The following RPIA variants were observed in gnomAD, a reference collection of about 807,000 sequenced individuals.
RPIA encodes the protein ribose 5-phosphate isomerase A.
Under a neutral mutation model 37.8 loss-of-function variants are expected in RPIA, and 29 were observed. The ratio of observed to expected loss-of-function variants is 0.77; its 90% CI spans 0.57 to 1.05. The LOEUF (loss-of-function observed/expected upper bound fraction) is 1.05. Among genes scored for constraint, RPIA ranks in the 50% least tolerant of loss-of-function variants. The pLI is 0.00. For synonymous variants in RPIA, 167 were observed against 157.0 expected, an observed-to-expected ratio of 1.06 and a Z score of -0.48; for missense variants, 385 against 413.6, an observed-to-expected ratio of 0.93 and a Z score of 0.60.
intron 3 of RPIA, among the ~76,000 whole-genome samples, chr2:88,719,270 A>G (rs1010301335): frequency 1.3e-5 from 2 of 152,202 alleles, no homozygotes; most frequent in African/African-American, 2.4e-5. Flanking sequence ...CATAACAATT[A>G]TAATTATTAC....
intron 1 of RPIA, among the ~76,000 whole-genome samples, chr2:88,693,181 A>G (rs1319391533): frequency 1.3e-5 from 2 of 152,268 alleles, no homozygotes; most frequent in African/African-American, 4.8e-5. Context: ...TGTAATCCAC[A>G]TGAGAATACA....
At chr2:88,726,541 A>G (rs967754482) in intron 3 of RPIA, among the ~76,000 whole-genome samples, 5 of 152,128 alleles carry the variant, frequency 3.3e-5, no homozygotes, top group Non-Finnish European at 5.9e-5. Context: ...AATGTGTGTT[A>G]CTATCTTCAG....
intron 3 of RPIA, among the ~76,000 whole-genome samples, chr2:88,700,745 T>C (rs1454769468): frequency 6.6e-6 from 1 of 152,146 alleles, no homozygotes; most frequent in Non-Finnish European, 1.5e-5. Flanking sequence ...AGGAAAGCAG[T>C]GGAGCCAGTT....
chr2:88,706,863 G>T (rs1672904046), intron 3 of RPIA, among the ~76,000 whole-genome samples: 1 of 152,006 alleles, frequency 6.6e-6, no homozygotes, highest in Non-Finnish European at 1.5e-5. Flanking sequence ...GGGAAAAATG[G>T]GTATTACTTA....
intron 3 of RPIA, among the ~76,000 whole-genome samples, chr2:88,714,231 C>T (rs916135068): frequency 3.3e-5 from 5 of 151,542 alleles, no homozygotes; most frequent in Non-Finnish European, 5.9e-5. Context: ...AGTGCAGTGG[C>T]GCGATCTGGG....
At chr2:88,718,908 A>C (rs1462504477) in intron 3 of RPIA, among the ~76,000 whole-genome samples, 1 of 152,208 alleles carries the variant, frequency 6.6e-6, no homozygotes, top group African/African-American at 2.4e-5. Flanking sequence ...TGACTCTGAA[A>C]AATAAAAGAA....
chr2:88,703,941 A>G (rs780010308), intron 3 of RPIA, among the ~76,000 whole-genome samples: 1 of 152,202 alleles, frequency 6.6e-6, no homozygotes, highest in Non-Finnish European at 1.5e-5. Flanking sequence ...GATATCTTAA[A>G]TCATCTCTCT....
chr2:88,699,396 A>C (rs912627541), intron 2 of RPIA, among the ~76,000 whole-genome samples: 2 of 152,070 alleles, frequency 1.3e-5, no homozygotes, highest in African/African-American at 4.8e-5. Context: ...TTTTTTCCTG[A>C]AGTCTTTTTT....
At chr2:88,734,138 A>C (rs922839431) in intron 4 of RPIA, among the ~76,000 whole-genome samples, 5 of 151,874 alleles carry the variant, frequency 3.3e-5, no homozygotes, top group African/African-American at 1.2e-4. Context: ...AGTAGCACAG[A>C]TATTACTGTA....
chr2:88,741,534 T>G (rs1051246909), intron 8 of RPIA, among the ~76,000 whole-genome samples: 4 of 152,260 alleles, frequency 2.6e-5, no homozygotes, highest in African/African-American at 9.6e-5. Context: ...GCTATCAACA[T>G]GTGTGTACAA....
chr2:88,712,551 A>C (rs1001697607), intron 3 of RPIA, among the ~76,000 whole-genome samples: 2 of 152,202 alleles, frequency 1.3e-5, no homozygotes, highest in African/African-American at 4.8e-5. Flanking sequence ...TAATTGTCCC[A>C]GTACAGTTAC....
intron 3 of RPIA, among the ~76,000 whole-genome samples, chr2:88,701,791 G>A (rs1398991950): frequency 1.3e-5 from 2 of 152,208 alleles, no homozygotes; most frequent in Admixed American, 6.5e-5. Context: ...ACAGACAATA[G>A]AGGACCACCC....
chr2:88,723,551 C>G (rs1673160053), intron 3 of RPIA, among the ~76,000 whole-genome samples: 1 of 152,126 alleles, frequency 6.6e-6, no homozygotes, highest in African/African-American at 2.4e-5. Flanking sequence ...TACTCCCAGA[C>G]CTCAGCAAAT....
chr2:88,713,590 A>G (rs1340620336), intron 3 of RPIA, among the ~76,000 whole-genome samples: 1 of 152,086 alleles, frequency 6.6e-6, no homozygotes, highest in African/African-American at 2.4e-5. Context: ...GTATGGATCT[A>G]TTTTCGTCCA....
Position 88,734,560 on chromosome 2 carries a change from T to C in RPIA, c.471T>C (p.Leu157=), listed in dbSNP as rs1673292355. Reference sequence around the variant, plus strand: ...CCTTTCCCCCAATACAGATCGACCTTGCCATCGATGGTGCTGATGAAGTAG... The same window carrying C: ...CCTTTCCCCCAATACAGATCGACCTCGCCATCGATGGTGCTGATGAAGTAG... ...SDLDRHPEID[L]AIDGADEVDA... The change falls in exon 5 of 9, where the codon CTT becomes CTC. Residue 157 remains leucine (L), a synonymous_variant. Coordinates refer to ENST00000283646, the MANE Select transcript of RPIA (RefSeq NM_144563.3). 1 of 1,614,088 alleles carries C rather than the reference T, an allele frequency of 6.2e-7. No individual in the cohort carries two copies. The highest frequency in any genetic ancestry group is 8.5e-7 in the Non-Finnish European group (1 of 1,180,020).
intron 4 of RPIA, among the ~76,000 whole-genome samples, chr2:88,734,173 C>T (rs1444865962): frequency 1.3e-5 from 2 of 151,448 alleles, no homozygotes; most frequent in South Asian, 2.1e-4. Flanking sequence ...GGACAAAACT[C>T]ATTGTAATGT....
chr2:88,727,922 A>G lies in RPIA; in HGVS notation c.403-1356A>G, dbSNP rs144121837. ...TAGCTTTTTATTATGGCAAATTTCAAAGTTCAGAAAGGAGAGAGAACAATA... is the reference window on the plus strand; with the variant it reads ...TAGCTTTTTATTATGGCAAATTTCAGAGTTCAGAAAGGAGAGAGAACAATA... On this transcript the variant is annotated intron_variant, in intron 3 of 8. Coordinates refer to ENST00000283646, the MANE Select transcript of RPIA (RefSeq NM_144563.3). 4.6e-5 allele frequency among the ~76,000 whole-genome samples: 7 copies of G among 152,296 alleles called. No homozygotes were observed. In the East Asian group the frequency reaches 1.4e-3, roughly 29 times the overall value.
In RPIA at chr2:88,721,791, ATATT is replaced by A. The variant is rs371627024; in HGVS notation, c.403-7480_403-7477del. Among the ~76,000 whole-genome samples, 65 of 150,596 alleles carry A rather than the reference ATATT, an allele frequency of 4.3e-4. 1 individual carries two copies. The highest frequency in any genetic ancestry group is 1.5e-3 in the African/African-American group (63 of 41,338). ...ATAGCAAATATATCTTTAAATACATATATTTATTTAAAAACATAATTAAAATCTC... is the reference window on the plus strand; with the variant it reads ...ATAGCAAATATATCTTTAAATACATATATTTAAAAACATAATTAAAATCTC... On this transcript the variant is annotated intron_variant, in intron 3 of 8. Coordinates refer to ENST00000283646, the MANE Select transcript of RPIA (RefSeq NM_144563.3).
intron 4 of RPIA, among the ~76,000 whole-genome samples, chr2:88,734,062 CAGTT>C (rs1003189530): frequency 4.7e-4 from 71 of 151,970 alleles, no homozygotes; most frequent in African/African-American, 1.6e-3. Flanking sequence ...AGGTTGCTCA[CAGTT>C]AGTACAGAGA....
Sources: allele counts gnomAD v4.1 joint callset (sites outside exome capture counted in the v4.1 genomes callset), GRCh38; gene constraint gnomAD v4.1.1; transcripts MANE v1.5; gene names NCBI Gene and HGNC (gene_info 2026-07-23, HGNC 2026-07-21).